GIGYF2: variants seen among roughly 807,000 people sequenced by gnomAD.
GIGYF2 encodes the protein GRB10 interacting GYF protein 2.
In GIGYF2, 25 loss-of-function variants were observed where a neutral mutation model predicts 208.1. The ratio of observed to expected loss-of-function variants is 0.12; its 90% CI spans 0.09 to 0.17. The LOEUF (loss-of-function observed/expected upper bound fraction) is 0.17, where lower values mean the gene tolerates loss of function less well. Among genes scored for constraint, GIGYF2 ranks in the 10% least tolerant of loss-of-function variants. The pLI, the probability that GIGYF2 is intolerant of heterozygous loss-of-function variation, is 1.00. For synonymous variants in GIGYF2, 534 were observed against 543.8 expected, an observed-to-expected ratio of 0.98 and a Z score of 0.25; for missense variants, 1,302 against 1,579.4, an observed-to-expected ratio of 0.82 and a Z score of 2.98.
rs1701024812 is a variant in GIGYF2 at position 232,819,870 on chromosome 2, G to A, written c.2414G>A (p.Arg805Lys). ...CAGCGGGAGCAAGAAATTGCATTAAGGCGACAGCGAGAAGAGGAAGAAAGA... is the reference window on the plus strand; with the variant it reads ...CAGCGGGAGCAAGAAATTGCATTAAAGCGACAGCGAGAAGAGGAAGAAAGA... ...RRQREQEIAL[R>K]RQREEEERQQ... The change falls in exon 21 of 29, where the codon AGG (arginine) becomes AAG (lysine). Residue 805 changes from arginine to lysine, a missense_variant. Arg to Lys is a conservative substitution (Grantham distance 26). Around this residue, in one of 8 missense-constraint regions of GIGYF2, gnomAD observed 701 missense variants for 793.0 expected, o/e 0.88. Coordinates refer to ENST00000373563, the MANE Select transcript of GIGYF2 (RefSeq NM_001103146.3). 1 of 1,596,186 alleles carries A rather than the reference G, an allele frequency of 6.3e-7. No individual in the cohort carries two copies. The highest frequency in any genetic ancestry group is 2.3e-5 in the East Asian group (1 of 44,384).
At chr2:232,751,295 A>G in intron 5 of GIGYF2, among the ~76,000 whole-genome samples, 1 of 152,202 alleles carries the variant, frequency 6.6e-6, no homozygotes, top group East Asian at 1.9e-4. Context: ...GCTCACTGCA[A>G]CATCTGCCTC....
intron 28 of GIGYF2, among the ~76,000 whole-genome samples, chr2:232,856,032 G>A (rs1307034432): frequency 6.6e-6 from 1 of 152,060 alleles, no homozygotes; most frequent in Non-Finnish European, 1.5e-5. Flanking sequence ...CCAGGTTCAA[G>A]CAATTCTTCT....
intron 8 of GIGYF2, chr2:232,776,759 C>A (rs913106475): frequency 1.2e-5 from 4 of 343,744 alleles, no homozygotes; most frequent in African/African-American, 6.3e-5. Context: ...CCAGAACTGA[C>A]TTGGAGAAGG....
intron 28 of GIGYF2, among the ~76,000 whole-genome samples, chr2:232,850,800 G>A (rs867947750): frequency 1.3e-5 from 2 of 152,192 alleles, no homozygotes; most frequent in South Asian, 4.1e-4. Flanking sequence ...CCGATCAGGT[G>A]TTCCAAGAAG....
intron 21 of GIGYF2, among the ~76,000 whole-genome samples, chr2:232,824,686 AG>A (rs1701195993): frequency 6.6e-6 from 1 of 152,258 alleles, no homozygotes; most frequent in South Asian, 2.1e-4. Flanking sequence ...CAAGTTATCC[AG>A]ATGCCCTACT....
intron 8 of GIGYF2, 127 bp downstream of exon 8, chr2:232,761,563 A>G (rs1698741349): frequency 1.5e-6 from 1 of 650,132 alleles, no homozygotes; most frequent in Non-Finnish European, 2.9e-6. Context: ...TGAAGTCTCT[A>G]CTGCATGAAA....
intron 2 of GIGYF2, among the ~76,000 whole-genome samples, chr2:232,712,404 T>C (rs1696461356): frequency 6.6e-6 from 1 of 152,224 alleles, no homozygotes; most frequent in Non-Finnish European, 1.5e-5. Context: ...TTAATACAAT[T>C]AATAGTTTTT....
intron 2 of GIGYF2, among the ~76,000 whole-genome samples, chr2:232,708,671 TAAAAAAA>T (rs11365519): frequency 1.7e-5 from 2 of 120,388 alleles, no homozygotes; most frequent in Non-Finnish European, 3.5e-5. Flanking sequence ...CTCATTTCTT[TAAAAAAA>T]AAAAAAAAAA....
intron 21 of GIGYF2, among the ~76,000 whole-genome samples, chr2:232,821,697 C>T (rs1043818071): frequency 2.0e-5 from 3 of 151,928 alleles, no homozygotes; most frequent in African/African-American, 7.3e-5. Context: ...TTGATGAAAT[C>T]CTATTAAATT....
intron 2 of GIGYF2, among the ~76,000 whole-genome samples, chr2:232,711,968 A>C (rs1242397265): frequency 2.0e-5 from 3 of 151,968 alleles, no homozygotes; most frequent in African/African-American, 7.2e-5. Flanking sequence ...TCGATGTTGA[A>C]TGGATATCTT....
chr2:232,811,295 C>A lies in GIGYF2; in HGVS notation c.1950C>A (p.Ser650=), dbSNP rs781769306. 1 of 1,609,226 alleles carries A rather than the reference C, an allele frequency of 6.2e-7. No individual in the cohort carries two copies. The highest frequency in any genetic ancestry group is 1.3e-5 in the African/African-American group (1 of 74,766). ...AACAGCAGAAAGCAGCACTGTCTTCCCAGCAGCAGCAGCAGTTGGCACTTC... is the reference window on the plus strand; with the variant it reads ...AACAGCAGAAAGCAGCACTGTCTTCACAGCAGCAGCAGCAGTTGGCACTTC... ...LAQQQKAALS[S]QQQQQLALLL... Residue 650 remains serine, a synonymous_variant, in exon 17 of 29, where the codon TCC becomes TCA. Transcript: ENST00000373563.
chr2:232,742,171 G>A (rs1388294181), intron 3 of GIGYF2, among the ~76,000 whole-genome samples: 2 of 152,236 alleles, frequency 1.3e-5, no homozygotes, highest in African/African-American at 2.4e-5. Context: ...ATTATGTGAA[G>A]TGTGGGAGAT....
chr2:232,822,277 T>C (rs1189000301), intron 21 of GIGYF2, among the ~76,000 whole-genome samples: 1 of 152,246 alleles, frequency 6.6e-6, no homozygotes, highest in Non-Finnish European at 1.5e-5. Context: ...CATTTGTTTA[T>C]GTTTTCCTTG....
chr2:232,820,139 A>T (rs1701031488), intron 21 of GIGYF2, among the ~76,000 whole-genome samples, 154 bp downstream of exon 21: 1 of 152,130 alleles, frequency 6.6e-6, no homozygotes, highest in South Asian at 2.1e-4. Flanking sequence ...ACTTCTGTCT[A>T]AATTTCTTCA....
At chr2:232,764,922 G>T (rs1372769165) in intron 8 of GIGYF2, among the ~76,000 whole-genome samples, 2 of 152,074 alleles carry the variant, frequency 1.3e-5, no homozygotes, top group Non-Finnish European at 2.9e-5. Flanking sequence ...AAAGGTAAAG[G>T]TTCTTTTATT....
chr2:232,703,896 T>C (rs1695967138), intron 2 of GIGYF2, among the ~76,000 whole-genome samples: 1 of 152,210 alleles, frequency 6.6e-6, no homozygotes, highest in South Asian at 2.1e-4. Flanking sequence ...TTGTCCTGCT[T>C]TAATTGTATT....
At chr2:232,835,166 A>G (rs1045040312) in intron 22 of GIGYF2, among the ~76,000 whole-genome samples, 10 of 152,172 alleles carry the variant, frequency 6.6e-5, no homozygotes, top group South Asian at 4.1e-4. Context: ...GAAAGACAAG[A>G]TTTCATTCTT....
intron 2 of GIGYF2, among the ~76,000 whole-genome samples, chr2:232,712,456 C>T (rs1056548886): frequency 1.3e-5 from 2 of 152,084 alleles, no homozygotes; most frequent in Non-Finnish European, 2.9e-5. Flanking sequence ...TGGCTTTTCC[C>T]CCCTCTCTCT....
intron 2 of GIGYF2, among the ~76,000 whole-genome samples, chr2:232,717,622 T>A (rs1045438948): frequency 1.3e-5 from 2 of 152,178 alleles, no homozygotes; most frequent in African/African-American, 2.4e-5. Flanking sequence ...GAGGTTTATT[T>A]GGCTCATGGT....
Sources: gnomAD v4.1 joint callset for allele counts (sites outside exome capture counted in the v4.1 genomes callset) on GRCh38, gnomAD v4.1.1 for gene constraint, gnomAD v4.1.1 regional missense constraint, MANE v1.5 for transcripts, NCBI Gene and HGNC (gene_info 2026-07-23, HGNC 2026-07-21) for gene names.